Variants in AKT1 observed in about 807,000 individuals in gnomAD.
AKT1 encodes RAC-alpha serine/threonine-protein kinase.
Under a neutral mutation model 63.1 loss-of-function variants are expected in AKT1, and 21 were observed. The ratio of observed to expected loss-of-function variants is 0.33; its 90% confidence interval spans 0.24 to 0.48. The LOEUF (loss-of-function observed/expected upper bound fraction) is 0.48, where lower values mean the gene tolerates loss of function less well. Ranked by LOEUF, AKT1 falls within the 20% of genes least tolerant of loss-of-function variation. AKT1 has a pLI of 0.99. For synonymous variants in AKT1, 257 were observed against 253.1 expected, an observed-to-expected ratio of 1.02 and a Z score of -0.15; for missense variants, 382 against 666.0, an observed-to-expected ratio of 0.57 and a Z score of 4.69.
chr14:104,769,593 AG>A lies in AKT1; in HGVS notation c.*747del. On this transcript the variant is annotated 3_prime_UTR_variant, in exon 15 of 15. Transcript: ENST00000649815. ...AGTGCTACCGTGGAGAGATCATCTGAGGGGGAGGCTCCCGGTGGGACAGTCA... is the reference window on the plus strand; with the variant it reads ...AGTGCTACCGTGGAGAGATCATCTGAGGGGAGGCTCCCGGTGGGACAGTCA... The A allele has an allele frequency of 3.8e-6, 2 of 530,862 alleles. No individual in the cohort carries two copies. The highest frequency in any genetic ancestry group is 7.3e-6 in the Non-Finnish European group (2 of 274,242). 32.9% of individuals were successfully genotyped at this position (530,862 alleles called of 1,614,324 possible).
At chr14:104,774,840 C>T in intron 8 of AKT1, 98 bp downstream of exon 8, 1 of 1,360,304 alleles carries the variant, frequency 7.4e-7, no homozygotes, top group Non-Finnish European at 1.0e-6. Flanking sequence ...GTGTAAAGCC[C>T]TCACGTGCCC....
intron 3 of AKT1, among the ~76,000 whole-genome samples, chr14:104,792,060 C>G (rs570604408): frequency 1.3e-5 from 2 of 152,224 alleles, no homozygotes; most frequent in Non-Finnish European, 2.9e-5. Context: ...CCTCCATAGG[C>G]TGCAAGGCCA....
At chr14:104,770,935 T>C in intron 13 of AKT1, 88 bp from the exon 14 acceptor site, 1 of 1,210,068 alleles carries the variant, frequency 8.3e-7, no homozygotes, top group Non-Finnish European at 1.2e-6. Context: ...TCAAAGCACC[T>C]GGATCTCCAA....
At chr14:104,772,549 G>T in intron 12 of AKT1, 97 bp from the exon 13 acceptor site, 2 of 1,233,752 alleles carry the variant, frequency 1.6e-6, no homozygotes, top group East Asian at 2.4e-5. Context: ...CCGCCAGACA[G>T]GACGTTCCGG....
chr14:104,792,267 C>T (rs1566826714), intron 3 of AKT1, among the ~76,000 whole-genome samples: 1 of 152,196 alleles, frequency 6.6e-6, no homozygotes, highest in Admixed American at 6.5e-5. Flanking sequence ...GGGCCGCCAG[C>T]GTGCCAGACC....
At chr14:104,789,007 G>A (rs372005957) in intron 3 of AKT1, among the ~76,000 whole-genome samples, 20 of 152,300 alleles carry the variant, frequency 1.3e-4, no homozygotes, top group East Asian at 5.8e-4. Context: ...ACTCAGGAGC[G>A]TCTGCCGCGT....
intron 8 of AKT1, 53 bp from the exon 9 acceptor site, chr14:104,774,033 GCACCACGCTGCCCGA>G (rs1892559832): frequency 1.8e-5 from 28 of 1,542,998 alleles, no homozygotes; most frequent in Non-Finnish European, 2.3e-5. Context: ...CGGCAGCCCC[GCACCACGCTGCCCGA>G]CACCACGCTG....
At position 104,775,803 on chromosome 14, in the gene AKT1, CAGG is replaced by C. The variant is rs1206923979; in HGVS notation, c.288-7_288-5del. ...GATGGCGGTTGTCCACTCCTCCCTG[CAGG>C]AGGTCAGGTGAGGCTGCAGGCCTGT... On this transcript the variant is annotated splice_polypyrimidine_tract_variant and splice_region_variant and intron_variant, in intron 5 of 14. Coordinates refer to ENST00000649815, the MANE Select transcript of AKT1 (RefSeq NM_001382430.1). 1.1e-5 allele frequency: 17 copies of C among 1,613,432 alleles called. No homozygotes were observed. The highest frequency in any genetic ancestry group is 4.0e-5 in the African/African-American group (3 of 74,920).
At chr14:104,775,825 G>C (rs746964347) in intron 5 of AKT1, 26 bp from the exon 6 acceptor site, 2 of 1,610,630 alleles carry the variant, frequency 1.2e-6, no homozygotes, top group South Asian at 2.2e-5. Flanking sequence ...TGAGGCTGCA[G>C]GCCTGTACCA....
rs1211490812 is a variant in AKT1, at chr14:104,769,994, G to A, written c.*347C>T. On this transcript the variant is annotated 3_prime_UTR_variant, in exon 15 of 15. Transcript: ENST00000649815. ...CCAGGGCGGCTGGCTGACAGAGTGA[G>A]GGGACACATGGGCAGGACCTGCCCG... 6.7e-6 allele frequency: 3 copies of A among 445,784 alleles called. No individual in the cohort carries two copies. Among genetic ancestry groups the A allele is most frequent in the Admixed American group, 7.8e-5 (2 of 25,634 alleles). The allele number at this position is 445,784 out of a possible 1,614,324, so 27.6% of individuals were successfully genotyped here.
chr14:104,795,316 C>G lies in AKT1; in HGVS notation c.-258+168G>C, dbSNP rs1341565179. ...GGCCGCCCTCCCTTGGCCGGGCCCG[C>G]GCGCCCCGCGCCCTCCCCGCCCAGG... On this transcript the variant is annotated intron_variant, in intron 1 of 14. Transcript: ENST00000649815. The surrounding 1 kb of genome is among the most constrained non-coding windows in gnomAD (Gnocchi z 5.1). Among the ~76,000 whole-genome samples the G allele has an allele frequency of 6.7e-6, 1 of 149,990 alleles. No individual in the cohort carries two copies. The highest frequency in any genetic ancestry group is 1.9e-4 in the East Asian group (1 of 5,138).
intron 1 of AKT1, 110 bp from the exon 2 acceptor site, chr14:104,793,414 G>A (rs1893726245): frequency 9.6e-6 from 2 of 208,292 alleles, no homozygotes; most frequent in East Asian, 1.4e-4. Context: ...CCTCCTGGGA[G>A]AAACCCCAGG....
rs1223652989 is a variant in AKT1 at position 104,770,005 on chromosome 14, G to C, written c.*336C>G. On this transcript the variant is annotated 3_prime_UTR_variant, in exon 15 of 15. Coordinates refer to ENST00000649815, the MANE Select transcript of AKT1 (RefSeq NM_001382430.1). ...GGCTGACAGAGTGAGGGGACACATG[G>C]GCAGGACCTGCCCGGCCCCCCAATG... 1.5e-5 allele frequency: 7 copies of C among 457,264 alleles called. No individual in the cohort carries two copies. In the East Asian group the frequency reaches 2.4e-4, roughly 16 times the overall value. 28.3% of individuals were successfully genotyped at this position (457,264 alleles called of 1,614,324 possible). A position where few individuals can be genotyped will look rare whatever the true frequency, so the allele number is the denominator to read the frequency against.
At position 104,771,544 on chromosome 14, in the gene AKT1, G is replaced by A. The variant is rs1055519319; in HGVS notation, c.1261-697C>T. On this transcript the variant is annotated intron_variant, in intron 13 of 14. Transcript: ENST00000649815. ...CCCAGGCCCCCCATACCCTTGGAGG[G>A]CAGGGCAGGAGGGTGGCAGGCCTCA... 7.3e-5 allele frequency: 17 copies of A among 232,110 alleles called. No individual in the cohort carries two copies. In the East Asian group the frequency reaches 9.7e-4, roughly 13 times the overall value. 14.4% of individuals were successfully genotyped at this position (232,110 alleles called of 1,614,324 possible).
At position 104,772,381 on chromosome 14, in the gene AKT1, T is replaced by C; in HGVS notation, c.1244A>G (p.His415Arg). 2 of 1,613,858 alleles carry C rather than the reference T, an allele frequency of 1.2e-6. No individual in the cohort carries two copies. Among genetic ancestry groups the C allele is most frequent in the Non-Finnish European group, 1.7e-6 (2 of 1,180,024 alleles). The stretch of plus-strand genomic sequence containing the variant: ...CAGCCGCACCTTCTTCTCGTACACG[T>C]GCTGCCACACGATACCGGCAAAGAA... ...HRFFAGIVWQ[H>R]VYEKKLSPPF... The change falls in exon 13 of 15, where the codon CAC (histidine) becomes CGC (arginine). Residue 415 changes from histidine (H) to arginine (R), a missense_variant. Physicochemically the swap from His to Arg is conservative, Grantham distance 29. Transcript: ENST00000649815.
At position 104,795,036 on chromosome 14, in the gene AKT1, T is replaced by C. The variant is rs1211913011; in HGVS notation, c.-258+448A>G. The C allele has an allele frequency of 6.6e-6, 1 of 152,140 alleles. No individual in the cohort carries two copies. Among genetic ancestry groups the C allele is most frequent in the Non-Finnish European group, 1.5e-5 (1 of 67,994 alleles). 9.4% of individuals were successfully genotyped at this position (152,140 alleles called of 1,614,324 possible). The stretch of plus-strand genomic sequence containing the variant: ...AACTTTTCGTCCGTGGGAAACGAAG[T>C]CTCCTTCCGGGGCCCTCCCACAAAC... On this transcript the variant is annotated intron_variant, in intron 1 of 14. Coordinates refer to ENST00000649815, the MANE Select transcript of AKT1 (RefSeq NM_001382430.1). This position sits in a 1 kb window ranked among gnomAD's most constrained non-coding sequence, Gnocchi z 5.1.
intron 3 of AKT1, among the ~76,000 whole-genome samples, chr14:104,785,750 G>T (rs1243251726): frequency 1.3e-5 from 2 of 152,140 alleles, no homozygotes; most frequent in African/African-American, 4.8e-5. Context: ...GCTCCACCAT[G>T]GAGCAGGCCT....
At chr14:104,777,488 G>A (rs1198771817) in intron 4 of AKT1, 2 of 960,596 alleles carry the variant, frequency 2.1e-6, no homozygotes, top group Non-Finnish European at 2.5e-6. Context: ...AGCCACATCT[G>A]GGGCACACGA....
chr14:104,788,937 C>T (rs1893479546), intron 3 of AKT1, among the ~76,000 whole-genome samples: 1 of 152,198 alleles, frequency 6.6e-6, no homozygotes, highest in Non-Finnish European at 1.5e-5. Flanking sequence ...GACACACGGT[C>T]CCGTGTCACC....
Sources: gnomAD v4.1 joint callset for allele counts (sites outside exome capture counted in the v4.1 genomes callset) on GRCh38, gnomAD v4.1.1 for gene constraint, Gnocchi (gnomAD v3.1) non-coding constraint, MANE v1.5 for transcripts, NCBI Gene and HGNC (gene_info 2026-07-23, HGNC 2026-07-21) for gene names.